The following LRRC69 variants were observed in gnomAD, a reference collection of about 807,000 sequenced individuals.
LRRC69 encodes the protein leucine-rich repeat-containing protein 69.
In LRRC69, 42 loss-of-function variants were observed where a neutral mutation model predicts 37.8. That is an observed-to-expected ratio of 1.11 (90% CI 0.87 to 1.44). The LOEUF (loss-of-function observed/expected upper bound fraction) is 1.44, where lower values mean the gene tolerates loss of function less well. Ranked by LOEUF, LRRC69 falls within the 40% of genes most tolerant of loss-of-function variation. The probability of loss-of-function intolerance (pLI) is 0.00; values close to 1 mark genes in which losing one functional copy is unlikely to be tolerated. For missense variants in LRRC69, 357 were observed against 401.9 expected, an observed-to-expected ratio of 0.89 and a Z score of 0.96; for synonymous variants, 141 against 143.1, an observed-to-expected ratio of 0.99 and a Z score of 0.11.
chr8:91,104,677 G>A (rs1009376182), intron 1 of LRRC69, among the ~76,000 whole-genome samples: 7 of 151,946 alleles, frequency 4.6e-5, no homozygotes, highest in African/African-American at 1.4e-4. Flanking sequence ...TGTCAGCCAA[G>A]GACATTCCCT....
At position 91,124,490 on chromosome 8, in the gene LRRC69, CA is replaced by C. The variant is rs771685441; in HGVS notation, c.184-2del. ...AGTCCATTAAACCTCTATATGTTTG[CA>C]GTTGACAACACTAAATCTGGGAAAC... On this transcript the variant is annotated splice_acceptor_variant, in intron 1 of 7. Transcript: ENST00000448384. LOFTEE classifies it high-confidence loss of function. 267 of 1,524,936 alleles carry C rather than the reference CA, an allele frequency of 1.8e-4. No homozygotes were observed. Among genetic ancestry groups the C allele is most frequent in the Non-Finnish European group, 2.1e-4 (240 of 1,135,910 alleles). 94.5% of individuals were successfully genotyped at this position (1,524,936 alleles called of 1,614,324 possible).
chr8:91,168,792 G>A lies in LRRC69; in HGVS notation c.652-20730G>A, dbSNP rs371244167. Among the ~76,000 whole-genome samples, 4 of 151,770 alleles carry A rather than the reference G, an allele frequency of 2.6e-5. No individual in the cohort carries two copies. The South Asian group carries it at 8.3e-4, about 31-fold the overall frequency. ...GCCATAAAAATATAGAAAGAATAAT[G>A]AATACTAAATAAGTCATATAAAACA... On this transcript the variant is annotated intron_variant, in intron 5 of 7. Transcript: ENST00000448384.
At chr8:91,128,497 A>G (rs1282897165) in intron 3 of LRRC69, among the ~76,000 whole-genome samples, 2 of 151,994 alleles carry the variant, frequency 1.3e-5, no homozygotes, top group Non-Finnish European at 2.9e-5. Flanking sequence ...ATATCCTACT[A>G]GATATCAATT....
At chr8:91,145,482 C>T (rs1808601610) in intron 5 of LRRC69, among the ~76,000 whole-genome samples, 1 of 151,844 alleles carries the variant, frequency 6.6e-6, no homozygotes, top group Non-Finnish European at 1.5e-5. Context: ...GAAAAGTATA[C>T]CCTATTCTTG....
chr8:91,127,656 C>G (rs1586233322), intron 3 of LRRC69, among the ~76,000 whole-genome samples: 1 of 138,296 alleles, frequency 7.2e-6, no homozygotes, highest in African/African-American at 2.7e-5. Flanking sequence ...TCCTGCATAT[C>G]TGCACAGGCA....
At chr8:91,139,817 G>T (rs963972499) in intron 5 of LRRC69, among the ~76,000 whole-genome samples, 20 of 151,496 alleles carry the variant, frequency 1.3e-4, no homozygotes, top group Admixed American at 1.2e-3. Flanking sequence ...GGCCAGGCGC[G>T]GTGGCTTACG....
At chr8:91,166,215 T>C (rs927160138) in intron 5 of LRRC69, among the ~76,000 whole-genome samples, 7 of 151,750 alleles carry the variant, frequency 4.6e-5, no homozygotes, top group African/African-American at 7.2e-5. Flanking sequence ...ACCAGGAACA[T>C]AGCAAGTACT....
chr8:91,154,855 T>C (rs562581665), intron 5 of LRRC69, among the ~76,000 whole-genome samples: 1 of 151,752 alleles, frequency 6.6e-6, no homozygotes, highest in East Asian at 1.9e-4. Flanking sequence ...TTCAATGTAG[T>C]ATTGGAAATT....
chr8:91,132,041 G>A (rs955705035), intron 3 of LRRC69, among the ~76,000 whole-genome samples: 5 of 151,820 alleles, frequency 3.3e-5, no homozygotes, highest in African/African-American at 9.7e-5. Flanking sequence ...GAGATCTGTA[G>A]AATCCTCAAA....
chr8:91,153,106 AC>A (rs1314579899), intron 5 of LRRC69, among the ~76,000 whole-genome samples: 1 of 151,418 alleles, frequency 6.6e-6, no homozygotes, highest in Non-Finnish European at 1.5e-5. Context: ...CTTTAAACCA[AC>A]AAAAATCAAA....
At chr8:91,105,810 C>T (rs372988081) in intron 1 of LRRC69, among the ~76,000 whole-genome samples, 1 of 152,008 alleles carries the variant, frequency 6.6e-6, no homozygotes. Flanking sequence ...CTTTGGGCCT[C>T]AATTTCTGCC....
At chr8:91,168,878 A>G (rs1261883605) in intron 5 of LRRC69, among the ~76,000 whole-genome samples, 1 of 151,972 alleles carries the variant, frequency 6.6e-6, no homozygotes, top group Non-Finnish European at 1.5e-5. Flanking sequence ...GACTCAAGTA[A>G]TAAAGAATCA....
intron 5 of LRRC69, chr8:91,158,149 G>A (rs1808870010): frequency 6.2e-7 from 1 of 1,602,786 alleles, no homozygotes; most frequent in East Asian, 2.2e-5. Context: ...CTTACCTATG[G>A]AAAATCCCAG....
intron 6 of LRRC69, 67 bp downstream of exon 6, chr8:91,189,690 C>A: frequency 9.1e-7 from 1 of 1,100,344 alleles, no homozygotes; most frequent in South Asian, 1.6e-5. Context: ...AAAGCGTTTT[C>A]TTTTAAAACA....
At chr8:91,175,139 G>C (rs1809201990) in intron 5 of LRRC69, among the ~76,000 whole-genome samples, 1 of 152,096 alleles carries the variant, frequency 6.6e-6, no homozygotes, top group South Asian at 2.1e-4. Flanking sequence ...GAACATAAAT[G>C]GAGTTTAATT....
intron 5 of LRRC69, among the ~76,000 whole-genome samples, chr8:91,164,182 A>C (rs113494050): frequency 2.2e-4 from 33 of 151,754 alleles, no homozygotes; most frequent in African/African-American, 7.5e-4. Flanking sequence ...CCATATACAG[A>C]AAATCACATT....
intron 5 of LRRC69, among the ~76,000 whole-genome samples, chr8:91,163,152 C>T (rs563677189): frequency 9.3e-5 from 14 of 151,280 alleles, no homozygotes; most frequent in Non-Finnish European, 1.9e-4. Context: ...CTTTTCCTCA[C>T]AACTCAGTCA....
chr8:91,213,313 T>C (rs978129650), intron 7 of LRRC69, among the ~76,000 whole-genome samples: 1 of 152,124 alleles, frequency 6.6e-6, no homozygotes, highest in African/African-American at 2.4e-5. Context: ...GCCAAGATGC[T>C]TTTGAGAGTA....
chr8:91,118,514 G>A (rs1813558733), intron 1 of LRRC69: 3 of 269,016 alleles, frequency 1.1e-5, no homozygotes, highest in Non-Finnish European at 2.2e-5. Context: ...GGGTGACAGA[G>A]TGAGACTGTC....
Sources: allele counts gnomAD v4.1 joint callset (sites outside exome capture counted in the v4.1 genomes callset), GRCh38; gene constraint gnomAD v4.1.1; transcripts MANE v1.5; gene names NCBI Gene and HGNC (gene_info 2026-07-23, HGNC 2026-07-21).